The following GNPDA1 variants were observed in gnomAD, a reference collection of about 807,000 sequenced individuals.
GNPDA1 encodes the protein GNPDA 1.
A neutral mutation model predicts 28.5 loss-of-function variants in GNPDA1; 24 were observed. That is an observed-to-expected ratio of 0.84 (90% CI 0.61 to 1.19). The LOEUF is 1.19. Ranked by LOEUF, GNPDA1 falls within the 50% of genes most tolerant of loss-of-function variation. GNPDA1 has a pLI of 0.00. For synonymous variants in GNPDA1, 147 were observed against 139.3 expected, an observed-to-expected ratio of 1.06 and a Z score of -0.39; for missense variants, 264 against 367.3, an observed-to-expected ratio of 0.72 and a Z score of 2.30.
intron 2 of GNPDA1, among the ~76,000 whole-genome samples, chr5:142,011,601 G>C (rs1755956784): frequency 6.6e-6 from 1 of 152,090 alleles, no homozygotes; most frequent in Non-Finnish European, 1.5e-5. Context: ...AATGCCTTAG[G>C]GTATCAGGAC....
intron 2 of GNPDA1, among the ~76,000 whole-genome samples, chr5:142,008,712 G>A (rs1028080293): frequency 2.6e-5 from 4 of 151,110 alleles, no homozygotes; most frequent in African/African-American, 7.3e-5. Context: ...GGCCAATAGA[G>A]CCAGACTCTA....
intron 6 of GNPDA1, among the ~76,000 whole-genome samples, 190 bp downstream of exon 6, chr5:142,002,897 AT>A: frequency 3.3e-5 from 5 of 152,212 alleles, no homozygotes; most frequent in African/African-American, 1.2e-4. Flanking sequence ...GAGCAAACAG[AT>A]CTCCAGAAAT....
chr5:142,010,445 C>G (rs1304051943), intron 2 of GNPDA1, among the ~76,000 whole-genome samples: 2 of 152,150 alleles, frequency 1.3e-5, no homozygotes, highest in Non-Finnish European at 2.9e-5. Flanking sequence ...AGGCGTGAGC[C>G]ACCACACCCG....
In GNPDA1 at chr5:142,001,252, A is replaced by T. The variant is rs1376471493; in HGVS notation, c.*777T>A. 7.6e-6 allele frequency: 1 copy of T among 131,126 alleles called. No homozygotes were observed. The highest frequency in any genetic ancestry group is 1.6e-5 in the Non-Finnish European group (1 of 62,892). 8.1% of individuals were successfully genotyped at this position (131,126 alleles called of 1,614,324 possible). A position where few individuals can be genotyped will look rare whatever the true frequency, so the allele number is the denominator to read the frequency against. On this transcript the variant is annotated 3_prime_UTR_variant, in exon 7 of 7. Transcript: ENST00000311337. ...CCTCCCACTTACTAATGAGTATGTAAAACAGAGGAGCCACAGTGAGGCTTT... is the reference window on the plus strand; with the variant it reads ...CCTCCCACTTACTAATGAGTATGTATAACAGAGGAGCCACAGTGAGGCTTT...
At chr5:142,005,701 C>T (rs570364915) in intron 4 of GNPDA1, among the ~76,000 whole-genome samples, 1 of 152,230 alleles carries the variant, frequency 6.6e-6, no homozygotes, top group African/African-American at 2.4e-5. Context: ...GAAGGGCAGC[C>T]CAGAGGACCC....
intron 4 of GNPDA1, 131 bp from the exon 5 acceptor site, chr5:142,005,247 G>C: frequency 1.5e-6 from 1 of 669,510 alleles, no homozygotes; most frequent in East Asian, 2.7e-5. Flanking sequence ...CTCATTTGCA[G>C]CCCTGGGCAG....
In GNPDA1 at chr5:142,003,908, G is replaced by A. The variant is rs193231428; in HGVS notation, c.595-646C>T. 6.6e-6 allele frequency among the ~76,000 whole-genome samples: 1 copy of A among 152,250 alleles called. No individual in the cohort carries two copies. The highest frequency in any genetic ancestry group is 2.4e-5 in the African/African-American group (1 of 41,546). ...AAGAACTCAGCTCTATTCAAGGGCA[G>A]GAAAAGAGAAAAAAACTCAGTTCTG... is the stretch of plus-strand genomic sequence containing the variant. On this transcript the variant is annotated intron_variant, in intron 5 of 6. Transcript: ENST00000311337. This position sits in a 1 kb window ranked among gnomAD's most constrained non-coding sequence, Gnocchi z 4.0.
chr5:142,004,988 T>C lies in GNPDA1; in HGVS notation c.538A>G (p.Lys180Glu), dbSNP rs374456271. The change falls in exon 5 of 7, where the codon AAG becomes GAG. Residue 180 changes from lysine to glutamate, a missense_variant. Coordinates refer to ENST00000311337, the MANE Select transcript of GNPDA1 (RefSeq NM_005471.5). Reference protein sequence around the residue: ...NARFFDGELTKVPTMALTVGV... With the variant: ...NARFFDGELTEVPTMALTVGV... ...ACCGTCAAGGCCATGGTGGGCACCT[T>C]GGTGAGTTCTCCATCGAAGAACCTA... 8.7e-6 allele frequency: 14 copies of C among 1,613,280 alleles called. No homozygotes were observed. The highest frequency in any genetic ancestry group is 1.2e-5 in the Non-Finnish European group (14 of 1,179,456).
rs1596732610 is a variant in GNPDA1, at chr5:142,003,018, C to A, written c.769+70G>T. 2 of 1,269,348 alleles carry A rather than the reference C, an allele frequency of 1.6e-6. No homozygotes were observed. The highest frequency in any genetic ancestry group is 2.2e-6 in the Non-Finnish European group (2 of 905,028). 78.6% of individuals were successfully genotyped at this position (1,269,348 alleles called of 1,614,324 possible). A position where few individuals can be genotyped will look rare whatever the true frequency, so the allele number is the denominator to read the frequency against. On this transcript the variant is annotated intron_variant, in intron 6 of 6. Coordinates refer to ENST00000311337, the MANE Select transcript of GNPDA1 (RefSeq NM_005471.5). The surrounding 1 kb of genome is among the most constrained non-coding windows in gnomAD (Gnocchi z 4.0). ...AATTAAAATGACCAGAGGATGAAAG[C>A]TGGATCTACTCCTTACTCCTAGCAC... is the stretch of plus-strand genomic sequence containing the variant.
At position 142,011,951 on chromosome 5, in the gene GNPDA1, G is replaced by C; in HGVS notation, c.85C>G (p.Pro29Ala). 1.2e-6 allele frequency: 2 copies of C among 1,613,996 alleles called. No individual in the cohort carries two copies. ...AGGGTGAAGTACTTCTCTGGCCCTG[G>C]GTTAAACTGGATGATGCGGTTCCTG... Reference protein sequence around the residue: ...YIRNRIIQFNPGPEKYFTLGL... With the variant: ...YIRNRIIQFNAGPEKYFTLGL... Residue 29 changes from proline (P) to alanine (A), a missense_variant, in exon 2 of 7, where the codon CCA (proline) becomes GCA (alanine). Physicochemically the swap from Pro to Ala is conservative, Grantham distance 27. Coordinates refer to ENST00000311337, the MANE Select transcript of GNPDA1 (RefSeq NM_005471.5).
intron 2 of GNPDA1, among the ~76,000 whole-genome samples, chr5:142,009,213 G>T (rs565298698): frequency 1.3e-5 from 2 of 151,594 alleles, no homozygotes; most frequent in African/African-American, 4.8e-5. Context: ...AAAAATGAAA[G>T]AAAAAAAACC....
chr5:142,008,465 G>A (rs574249055), intron 2 of GNPDA1, among the ~76,000 whole-genome samples: 48 of 152,330 alleles, frequency 3.2e-4, no homozygotes, highest in African/African-American at 1.1e-3. Flanking sequence ...GGTGGCTCAC[G>A]CCTGTAACCC....
At chr5:142,010,515 T>TTTCTTTCTTTC (rs1561573673) in intron 2 of GNPDA1, among the ~76,000 whole-genome samples, 3 of 10,318 alleles carry the variant, frequency 2.9e-4, no homozygotes, top group Non-Finnish European at 9.7e-4. Flanking sequence ...TTCTTTCTTT[T>TTTCTTTCTTTC]TTTTTTTTTT....
At chr5:142,009,376 A>T (rs1243130853) in intron 2 of GNPDA1, among the ~76,000 whole-genome samples, 2 of 151,392 alleles carry the variant, frequency 1.3e-5, no homozygotes, top group Non-Finnish European at 2.9e-5. Context: ...GCACAGCCCC[A>T]CCCCTGCCGA....
chr5:142,012,141 C>T, intron 1 of GNPDA1, 100 bp from the exon 2 acceptor site: 1 of 1,261,350 alleles, frequency 7.9e-7, no homozygotes, highest in East Asian at 2.4e-5. Flanking sequence ...AGCAACAATC[C>T]CCTTCCCAAG....
intron 2 of GNPDA1, among the ~76,000 whole-genome samples, chr5:142,011,297 CAT>C (rs1208506720): frequency 1.2e-4 from 17 of 139,988 alleles, no homozygotes; most frequent in South Asian, 4.6e-4. Context: ...CACACACACA[CAT>C]AGACACGCTA....
intron 3 of GNPDA1, among the ~76,000 whole-genome samples, chr5:142,006,821 C>CT (rs76438387): frequency 0.12 from 17,830 of 144,110 alleles, 1,241 homozygotes; most frequent in African/African-American, 0.21. Context: ...CCCAGATCAA[C>CT]TTTTTTTTTT....
At position 142,007,882 on chromosome 5, in the gene GNPDA1, C is replaced by T. The variant is rs752760343; in HGVS notation, c.143G>A (p.Cys48Tyr). 8.7e-6 allele frequency: 14 copies of T among 1,610,108 alleles called. No individual in the cohort carries two copies. The highest frequency in any genetic ancestry group is 1.2e-5 in the Non-Finnish European group (14 of 1,176,346). ...ATAGTATTCAATCAGCTTCTTGTAG[C>T]AGCCAAGTGGGGTACTCCCTGCAAG... ...GLPTGSTPLG[C>Y]YKKLIEYYKN... Residue 48 changes from cysteine to tyrosine, a missense_variant, in exon 3 of 7, where the codon TGC becomes TAC. By Grantham distance (194) the Cys-to-Tyr change is radical (BLOSUM62 -2). Coordinates refer to ENST00000311337, the MANE Select transcript of GNPDA1 (RefSeq NM_005471.5).
intron 2 of GNPDA1, among the ~76,000 whole-genome samples, chr5:142,010,517 T>TTTTTTTTTC (rs1755921553): frequency 6.7e-6 from 1 of 148,702 alleles, no homozygotes; most frequent in Non-Finnish European, 1.5e-5. Context: ...CTTTCTTTTT[T>TTTTTTTTTC]TTTTTTTTTT....
Sources: allele counts gnomAD v4.1 joint callset (sites outside exome capture counted in the v4.1 genomes callset), GRCh38; gene constraint gnomAD v4.1.1; non-coding constraint Gnocchi (gnomAD v3.1); transcripts MANE v1.5; gene names NCBI Gene and HGNC (gene_info 2026-07-23, HGNC 2026-07-21).